ZNF658: variants seen among roughly 807,000 people sequenced by gnomAD.
ZNF658 encodes zinc finger protein 658.
A neutral mutation model predicts 78.0 loss-of-function variants in ZNF658; 46 were observed. That is an observed-to-expected ratio of 0.59 (90% CI 0.47 to 0.75). ZNF658 has a LOEUF of 0.75. Ranked by LOEUF, ZNF658 falls within the 30% of genes least tolerant of loss-of-function variation. The pLI is 0.00. For synonymous variants in ZNF658, 279 were observed against 408.4 expected (o/e 0.68, Z 3.82); for missense variants, 785 against 1,189.3 (o/e 0.66, Z 5.00).
chr9:66,918,798 C>G lies in ZNF658; in HGVS notation c.1232C>G (p.Thr411Ser). The G allele has an allele frequency of 1.2e-6, 2 of 1,613,762 alleles. No homozygotes were observed. The highest frequency in any genetic ancestry group is 1.7e-6 in the Non-Finnish European group (2 of 1,179,818). ...CAGAGGCCCCACTCAGGAGAGAAAA[C>G]TTACCAATATGAGGAATGTGCAAAA... ...QHQRPHSGEK[T>S]YQYEECAKSF... Residue 411 changes from threonine (T) to serine (S), a missense_variant, in exon 5 of 5, where the codon ACT becomes AGT. This residue lies in a region of ZNF658 where 393 missense variants were observed against 400.2 expected (regional missense o/e 0.98). Transcript: ENST00000621410.
In ZNF658 at chr9:66,918,178, G is replaced by A. The variant is rs1312113001; in HGVS notation, c.612G>A (p.Gln204=). 1.2e-6 allele frequency: 2 copies of A among 1,607,370 alleles called. No individual in the cohort carries two copies. The highest frequency in any genetic ancestry group is 8.5e-7 in the Non-Finnish European group (1 of 1,177,714). Residue 204 remains glutamine (Q), a synonymous_variant, in exon 5 of 5, where the codon CAG becomes CAA. Coordinates refer to ENST00000621410, the MANE Select transcript of ZNF658 (RefSeq NM_033160.7). The part of the protein sequence containing the change: ...NAKAFSYKKD[Q]HWKFQTLEES... Reference sequence around the variant, plus strand: ...AAGCTTTCAGTTATAAGAAAGATCAGCATTGGAAATTTCAAACTTTGGAGG... The same window carrying A: ...AAGCTTTCAGTTATAAGAAAGATCAACATTGGAAATTTCAAACTTTGGAGG...
In ZNF658 at chr9:66,904,586, C is replaced by A. The variant is rs575247571; in HGVS notation, c.15+1010C>A. ...ATGTACCCATTTAAAGTGTAGAATT[C>A]AGTGATTTTTTTAGTACATTCTCAG... On this transcript the variant is annotated intron_variant, in intron 2 of 4. Transcript: ENST00000621410. Among the ~76,000 whole-genome samples the A allele has an allele frequency of 9.9e-5, 15 of 152,160 alleles. No homozygotes were observed. In the South Asian group the frequency reaches 3.1e-3, roughly 32 times the overall value.
chr9:66,920,320 C>T lies in ZNF658; in HGVS notation c.2754C>T (p.Thr918=), dbSNP rs767844055. Residue 918 remains threonine, a synonymous_variant, in exon 5 of 5, where the codon ACC becomes ACT. Transcript: ENST00000621410. The stretch of plus-strand genomic sequence containing the variant: ...ATGAATGCAGTGAATGTGGGAAAAC[C>T]TTCTCTGAGAAGTCATATGTTAGTG... The part of the protein sequence containing the change: ...KPYECSECGK[T]FSEKSYVSAH... 24 of 1,612,964 alleles carry T rather than the reference C, an allele frequency of 1.5e-5. No individual in the cohort carries two copies. Among genetic ancestry groups the T allele is most frequent in the Middle Eastern group, 1.7e-4 (1 of 6,058 alleles).
Position 66,902,632 on chromosome 9 carries a change from A to G in ZNF658, c.-44-886A>G, listed in dbSNP as rs1219011078. ...CTGCCTTCACTTCTTCCACATTGTG[A>G]GTCCCTCTCACACCGTGTTCATCAC... On this transcript the variant is annotated intron_variant, in intron 1 of 4. Coordinates refer to ENST00000621410, the MANE Select transcript of ZNF658 (RefSeq NM_033160.7). Among the ~76,000 whole-genome samples, 10 of 147,494 alleles carry G rather than the reference A, an allele frequency of 6.8e-5. No homozygotes were observed. In the East Asian group the frequency reaches 2.0e-3, roughly 30 times the overall value.
intron 2 of ZNF658, among the ~76,000 whole-genome samples, chr9:66,903,840 G>A (rs981473827): frequency 2.0e-5 from 3 of 151,814 alleles, no homozygotes; most frequent in Non-Finnish European, 4.4e-5. Flanking sequence ...AATACTTAAA[G>A]GTTTACATTG....
In ZNF658 at chr9:66,919,500, T is replaced by G; in HGVS notation, c.1934T>G (p.Leu645Arg). 1 of 1,608,544 alleles carries G rather than the reference T, an allele frequency of 6.2e-7. No individual in the cohort carries two copies. Among genetic ancestry groups the G allele is most frequent in the Non-Finnish European group, 8.5e-7 (1 of 1,176,944 alleles). Residue 645 changes from leucine to arginine, a missense_variant, in exon 5 of 5, where the codon CTC (leucine) becomes CGC (arginine). Physicochemically the swap from Leu to Arg is moderately radical, Grantham distance 102. Around this residue, in one of 12 missense-constraint regions of ZNF658, gnomAD observed 75 missense variants for 147.1 expected, o/e 0.51. Transcript: ENST00000621410. ...AGGTCTTTTGCCCATATTTCTGTTCTCAAGGCACATCAAAGAATTCACACA... is the reference window on the plus strand; with the variant it reads ...AGGTCTTTTGCCCATATTTCTGTTCGCAAGGCACATCAAAGAATTCACACA... ...CGRSFAHISV[L>R]KAHQRIHTGE...
At chr9:66,915,347 C>T (rs1308500139) in intron 4 of ZNF658, among the ~76,000 whole-genome samples, 1 of 151,690 alleles carries the variant, frequency 6.6e-6, no homozygotes, top group Non-Finnish European at 1.5e-5. Flanking sequence ...ATTCACCTGC[C>T]TCTTCTTTCC....
chr9:66,911,812 T>TG (rs1451065369), intron 4 of ZNF658, among the ~76,000 whole-genome samples: 1 of 73,274 alleles, frequency 1.4e-5, no homozygotes, highest in East Asian at 3.3e-4. Flanking sequence ...AGCATGGAGC[T>TG]GGGGGGTGGG....
At chr9:66,923,303 C>T (rs1311799867), downstream of ZNF658, among the ~76,000 whole-genome samples, 1 of 150,832 alleles carries the variant, frequency 6.6e-6, no homozygotes, top group African/African-American at 2.4e-5. Flanking sequence ...TCCACATTCT[C>T]CTGCCTGCTT....
chr9:66,904,484 C>T (rs1366784323), intron 2 of ZNF658, among the ~76,000 whole-genome samples: 1 of 151,830 alleles, frequency 6.6e-6, no homozygotes, highest in Non-Finnish European at 1.5e-5. Flanking sequence ...TCTGTTGTCT[C>T]CAAATGATTT....
In ZNF658 at chr9:66,918,579, C is replaced by T. The variant is rs1164784784; in HGVS notation, c.1013C>T (p.Ser338Leu). Residue 338 changes from serine (S) to leucine (L), a missense_variant, in exon 5 of 5, where the codon TCA (serine) becomes TTA (leucine). By Grantham distance (145) the Ser-to-Leu change is moderately radical. Around this residue, in one of 12 missense-constraint regions of ZNF658, gnomAD observed 393 missense variants for 400.2 expected, o/e 0.98. Transcript: ENST00000621410. The stretch of plus-strand genomic sequence containing the variant: ...TGTGAAGAAAATTTTAGCCAGAGCT[C>T]AGCCCATATAGTACATCAGAAAACA... ...NKCEENFSQSSAHIVHQKTQA... is the reference protein window; with the variant it reads ...NKCEENFSQSLAHIVHQKTQA... The T allele has an allele frequency of 1.2e-6, 2 of 1,608,462 alleles. No homozygotes were observed. The highest frequency in any genetic ancestry group is 2.7e-5 in the African/African-American group (2 of 74,658).
intron 6 of ZNF658, among the ~76,000 whole-genome samples, chr9:66,929,051 C>T (rs1822613994): frequency 6.6e-6 from 1 of 152,156 alleles, no homozygotes; most frequent in African/African-American, 2.4e-5. Flanking sequence ...CAGACAGAGA[C>T]AGAGGGGTGT....
Position 66,918,656 on chromosome 9 carries a change from C to A in ZNF658, c.1090C>A (p.Gln364Lys). ...EHNECTDALY[Q>K]KLDFTAHQRI... The stretch of plus-strand genomic sequence containing the variant: ...TAATGAATGTACAGATGCCCTCTAC[C>A]AGAAATTAGACTTTACAGCACATCA... Residue 364 changes from glutamine (Q) to lysine (K), a missense_variant, in exon 5 of 5, where the codon CAG becomes AAG. By Grantham distance (53) the Gln-to-Lys change is moderately conservative (BLOSUM62 1). Coordinates refer to ENST00000621410, the MANE Select transcript of ZNF658 (RefSeq NM_033160.7). 1.2e-6 allele frequency: 2 copies of A among 1,613,694 alleles called. No individual in the cohort carries two copies. The highest frequency in any genetic ancestry group is 1.7e-6 in the Non-Finnish European group (2 of 1,179,802).
chr9:66,903,134 G>C, intron 1 of ZNF658: 1 of 186,600 alleles, frequency 5.4e-6, no homozygotes, highest in South Asian at 1.1e-4. Context: ...AGTCAAAAGG[G>C]AACATAATTG....
chr9:66,921,753 C>T (rs986896018), downstream of ZNF658, among the ~76,000 whole-genome samples: 31 of 151,246 alleles, frequency 2.0e-4, no homozygotes, highest in African/African-American at 6.8e-4. Context: ...AGGTGTCAGT[C>T]GGCCCCTACT....
intron 1 of ZNF658, among the ~76,000 whole-genome samples, chr9:66,901,618 C>G (rs1056830733): frequency 6.6e-6 from 1 of 151,844 alleles, no homozygotes; most frequent in Non-Finnish European, 1.5e-5. Flanking sequence ...GCTGTGCTGT[C>G]CAATAGAAAG....
chr9:66,912,984 G>T (rs1185262182), intron 4 of ZNF658, among the ~76,000 whole-genome samples: 2 of 151,712 alleles, frequency 1.3e-5, no homozygotes, highest in African/African-American at 4.9e-5. Flanking sequence ...GGAGGTGGAG[G>T]TTATGGTGAG....
At position 66,919,860 on chromosome 9, in the gene ZNF658, CA is replaced by C; in HGVS notation, c.2295del (p.Glu767ArgfsTer48). 2.5e-6 allele frequency: 4 copies of C among 1,605,530 alleles called. No homozygotes were observed. Among genetic ancestry groups the C allele is most frequent in the Non-Finnish European group, 3.4e-6 (4 of 1,175,742 alleles). Reference protein sequence around the residue: ...TRLSTHRRIHTGEKPYECSKC... With the variant: ...TRLSTHRRIHXGEKPYECSKC... Reference sequence around the variant, plus strand: ...CTCAGTACACATCGGAGAATTCACACAGGGGAGAAACCCTATGAATGTAGCA... The same window carrying C: ...CTCAGTACACATCGGAGAATTCACACGGGGAGAAACCCTATGAATGTAGCA... On this transcript the variant is annotated frameshift_variant, in exon 5 of 5. Transcript: ENST00000621410. LOFTEE classifies it high-confidence loss of function.
At position 66,908,236 on chromosome 9, in the gene ZNF658, A is replaced by C; in HGVS notation, c.16-2A>C. On this transcript the variant is annotated splice_acceptor_variant, in intron 2 of 4. Transcript: ENST00000621410. LOFTEE classifies it high-confidence loss of function. ...TATTTGTTGTGATAAATGTTGTTACAGGCATCAGTGTCATTCCAGGACGTG... is the reference window on the plus strand; with the variant it reads ...TATTTGTTGTGATAAATGTTGTTACCGGCATCAGTGTCATTCCAGGACGTG... The C allele has an allele frequency of 1.2e-6, 2 of 1,613,984 alleles. No individual in the cohort carries two copies. The highest frequency in any genetic ancestry group is 1.7e-6 in the Non-Finnish European group (2 of 1,179,946).
Sources: gnomAD v4.1 joint callset for allele counts (sites outside exome capture counted in the v4.1 genomes callset) on GRCh38, gnomAD v4.1.1 for gene constraint, gnomAD v4.1.1 regional missense constraint, MANE v1.5 for transcripts, NCBI Gene and HGNC (gene_info 2026-07-23, HGNC 2026-07-21) for gene names.